Variants in ANK2 observed in about 807,000 individuals in gnomAD.
ANK2 encodes ankyrin-2.
Under a neutral mutation model 360.5 loss-of-function variants are expected in ANK2, and 83 were observed. The ratio of observed to expected loss-of-function variants is 0.23; its 90% CI spans 0.19 to 0.28. ANK2 has a LOEUF of 0.28. Among genes scored for constraint, ANK2 ranks in the 10% least tolerant of loss-of-function variants. The pLI, the probability that ANK2 is intolerant of heterozygous loss-of-function variation, is 1.00. For synonymous variants in ANK2, 1,740 were observed against 1,759.5 expected (o/e 0.99, Z 0.28); for missense variants, 4,201 against 4,795.7 (o/e 0.88, Z 3.66).
chr4:112,873,440 G>C (rs1002199491), intron 1 of ANK2, among the ~76,000 whole-genome samples: 1 of 151,054 alleles, frequency 6.6e-6, no homozygotes, highest in Non-Finnish European at 1.5e-5. Flanking sequence ...TGTCCCTTAT[G>C]ACTTATTCTT....
chr4:112,767,363 C>T, the ANK2 span, among the ~76,000 whole-genome samples: 1 of 152,022 alleles, frequency 6.6e-6, no homozygotes, highest in African/African-American at 2.4e-5. Flanking sequence ...GAGTTCGAGA[C>T]CAGCCTGGGC....
At chr4:112,989,794 G>C (rs2046135336) in intron 2 of ANK2, among the ~76,000 whole-genome samples, 1 of 152,116 alleles carries the variant, frequency 6.6e-6, no homozygotes, top group African/African-American at 2.4e-5. Context: ...TGTGGGATAA[G>C]AAATGCTTCT....
At chr4:113,175,451 A>G (rs2098156313) in intron 2 of ANK2, among the ~76,000 whole-genome samples, 1 of 151,904 alleles carries the variant, frequency 6.6e-6, no homozygotes, top group Non-Finnish European at 1.5e-5. Flanking sequence ...TGCCATTCCA[A>G]CCCAACTGTT....
In ANK2 at chr4:113,274,521, C is replaced by T. The variant is rs2153688320; in HGVS notation, c.1555C>T (p.His519Tyr). The stretch of plus-strand genomic sequence containing the variant: ...AGAAATTGTCCAGCTGCTTCTACAA[C>T]ATATGGCTCATCCAGATGCGGCCAC... ...KTEIVQLLLQ[H>Y]MAHPDAATTN... Residue 519 changes from histidine to tyrosine, a missense_variant, in exon 15 of 46, where the codon CAT (histidine) becomes TAT (tyrosine). By Grantham distance (83) the His-to-Tyr change is moderately conservative. Coordinates refer to ENST00000357077, the MANE Select transcript of ANK2 (RefSeq NM_001148.6). 6.2e-7 allele frequency: 1 copy of T among 1,614,236 alleles called. No individual in the cohort carries two copies. The highest frequency in any genetic ancestry group is 1.1e-5 in the South Asian group (1 of 91,086).
At chr4:113,025,101 C>G (rs1165021287) in intron 2 of ANK2, among the ~76,000 whole-genome samples, 1 of 151,736 alleles carries the variant, frequency 6.6e-6, no homozygotes, top group Non-Finnish European at 1.5e-5. Flanking sequence ...ATCCATAATT[C>G]ATGTACAAAG....
chr4:112,872,991 T>C (rs1263856782), intron 1 of ANK2, among the ~76,000 whole-genome samples: 2 of 152,156 alleles, frequency 1.3e-5, no homozygotes, highest in African/African-American at 2.4e-5. Flanking sequence ...CTGAGTTATC[T>C]CATTTGTTGG....
At chr4:113,176,512 A>C (rs1297934754) in intron 2 of ANK2, among the ~76,000 whole-genome samples, 2 of 152,120 alleles carry the variant, frequency 1.3e-5, no homozygotes, top group African/African-American at 2.4e-5. Context: ...CTTTAGATAC[A>C]TTAGTTACCT....
chr4:112,850,504 CTTTTTTTTTTT>C (rs60510554), intron 1 of ANK2, among the ~76,000 whole-genome samples: 20 of 5,816 alleles, frequency 3.4e-3, no homozygotes, highest in African/African-American at 1.0e-2. Context: ...CTGTGCTAGT[CTTTTTTTTTTT>C]TTTTTTTTTT....
chr4:113,059,162 T>G (rs1024831173), intron 1 of ANK2, among the ~76,000 whole-genome samples: 3 of 152,204 alleles, frequency 2.0e-5, no homozygotes, highest in Non-Finnish European at 2.9e-5. Flanking sequence ...CATTGGTGAT[T>G]AGATTTCGAC....
chr4:113,340,150 T>C (rs955327578), intron 32 of ANK2, among the ~76,000 whole-genome samples: 1 of 152,216 alleles, frequency 6.6e-6, no homozygotes, highest in African/African-American at 2.4e-5. Flanking sequence ...TTAGCATCTA[T>C]ACTGTAATCC....
intron 1 of ANK2, among the ~76,000 whole-genome samples, chr4:112,873,138 T>G (rs2073841603): frequency 6.6e-6 from 1 of 152,110 alleles, no homozygotes; most frequent in Admixed American, 6.6e-5. Context: ...AAATAAAATT[T>G]TGTTAATTTG....
At chr4:113,314,285 T>A (rs1205926825) in intron 24 of ANK2, among the ~76,000 whole-genome samples, 2 of 152,176 alleles carry the variant, frequency 1.3e-5, no homozygotes, top group African/African-American at 4.8e-5. Context: ...TATTGAAAAT[T>A]GTGGATTTCT....
At chr4:113,017,306 C>A (rs1338787314) in intron 2 of ANK2, among the ~76,000 whole-genome samples, 1 of 151,784 alleles carries the variant, frequency 6.6e-6, no homozygotes, top group Non-Finnish European at 1.5e-5. Context: ...TCTGATTCGG[C>A]CACTTATCTA....
intron 2 of ANK2, among the ~76,000 whole-genome samples, chr4:112,931,318 T>C (rs151195253): frequency 1.3e-5 from 2 of 152,200 alleles, no homozygotes; most frequent in Non-Finnish European, 2.9e-5. Flanking sequence ...CATTTTATCG[T>C]AGACTCAAAG....
At chr4:113,236,052 T>C (rs1180892076) in intron 5 of ANK2, among the ~76,000 whole-genome samples, 2 of 152,288 alleles carry the variant, frequency 1.3e-5, no homozygotes, top group East Asian at 3.9e-4. Context: ...TCTTTCAATT[T>C]ACCATTCTAT....
At chr4:112,822,975 C>T (rs2057543058) in intron 1 of ANK2, among the ~76,000 whole-genome samples, 1 of 151,906 alleles carries the variant, frequency 6.6e-6, no homozygotes, top group Non-Finnish European at 1.5e-5. Flanking sequence ...TATGCTGTTC[C>T]ATAATGTTTT....
chr4:112,971,801 CAG>C (rs1454290065), intron 2 of ANK2, among the ~76,000 whole-genome samples: 2 of 152,138 alleles, frequency 1.3e-5, no homozygotes, highest in Admixed American at 6.5e-5. Flanking sequence ...GGTGCAGTAA[CAG>C]ATGTCATAGG....
At chr4:112,758,658 G>A in the ANK2 span, among the ~76,000 whole-genome samples, 37 of 152,222 alleles carry the variant, frequency 2.4e-4, 1 homozygote, top group South Asian at 7.7e-3. Flanking sequence ...CACGTGATCT[G>A]CCCACCTCAG....
upstream of ANK2, among the ~76,000 whole-genome samples, chr4:113,047,192 G>C (rs186622349): frequency 5.4e-3 from 825 of 152,178 alleles, 22 homozygotes; most frequent in Admixed American, 0.05. Flanking sequence ...CTTCCTTCAG[G>C]TAATTGCTTG....
Sources: gnomAD v4.1 joint callset for allele counts (sites outside exome capture counted in the v4.1 genomes callset) on GRCh38, gnomAD v4.1.1 for gene constraint, MANE v1.5 for transcripts, NCBI Gene and HGNC (gene_info 2026-07-23, HGNC 2026-07-21) for gene names.